The following PALLD variants were observed in gnomAD, a reference collection of about 807,000 sequenced individuals.
PALLD encodes palladin, cytoskeletal associated protein.
A neutral mutation model predicts 123.5 loss-of-function variants in PALLD; 61 were observed. The observed-to-expected ratio is 0.49, with a 90% CI of 0.40 to 0.61. The LOEUF (loss-of-function observed/expected upper bound fraction) is 0.61. Ranked by LOEUF, PALLD falls within the 20% of genes least tolerant of loss-of-function variation. PALLD has a pLI of 0.00. For synonymous variants in PALLD, 465 were observed against 496.4 expected, an observed-to-expected ratio of 0.94 and a Z score of 0.84; for missense variants, 1,273 against 1,377.0, an observed-to-expected ratio of 0.92 and a Z score of 1.20.
chr4:168,568,488 A>T (rs1020123224), intron 2 of PALLD, among the ~76,000 whole-genome samples: 1 of 152,102 alleles, frequency 6.6e-6, no homozygotes, highest in Non-Finnish European at 1.5e-5. Flanking sequence ...ATTGAAAAAA[A>T]TAGGGTATTT....
chr4:168,738,381 G>A (rs1787970732), intron 10 of PALLD, among the ~76,000 whole-genome samples: 2 of 151,972 alleles, frequency 1.3e-5, no homozygotes, highest in South Asian at 4.2e-4. Context: ...AGTCCACAAT[G>A]TTCGATAATT....
At chr4:168,820,228 G>A (rs573369387) in intron 10 of PALLD, among the ~76,000 whole-genome samples, 18 of 152,346 alleles carry the variant, frequency 1.2e-4, no homozygotes, top group African/African-American at 2.6e-4. Context: ...TGCCATGTGC[G>A]CCGTGCCAAA....
intron 2 of PALLD, among the ~76,000 whole-genome samples, chr4:168,542,763 T>TATATATA (rs58803261): frequency 2.7e-5 from 3 of 110,056 alleles, no homozygotes; most frequent in Non-Finnish European, 5.7e-5. Context: ...TATATATATA[T>TATATATA]GGAGAGAAAG....
At chr4:168,759,189 AAAAAAAAAAAAAAATATAT>A (rs1203874998) in intron 10 of PALLD, among the ~76,000 whole-genome samples, 2 of 24,654 alleles carry the variant, frequency 8.1e-5, no homozygotes, top group Admixed American at 4.0e-4. Context: ...CAAAAAAAAA[AAAAAAAAAAAAAAATATAT>A]ATATATATAT....
intron 2 of PALLD, among the ~76,000 whole-genome samples, chr4:168,548,244 T>G (rs564584568): frequency 9.9e-5 from 15 of 152,132 alleles, no homozygotes; most frequent in Admixed American, 4.6e-4. Flanking sequence ...GAGGTAATAT[T>G]TACTGTTAAA....
intron 2 of PALLD, among the ~76,000 whole-genome samples, chr4:168,618,601 G>T (rs1774453850): frequency 6.6e-6 from 1 of 152,134 alleles, no homozygotes; most frequent in Admixed American, 6.5e-5. Flanking sequence ...GCTTTGAAAG[G>T]CCAGTTATAA....
intron 10 of PALLD, among the ~76,000 whole-genome samples, chr4:168,737,448 T>G (rs1480006370): frequency 6.6e-6 from 1 of 151,938 alleles, no homozygotes; most frequent in Non-Finnish European, 1.5e-5. Context: ...TAATGAGGAG[T>G]TTGGAAAGGG....
chr4:168,594,210 G>T (rs1339337991), intron 2 of PALLD, among the ~76,000 whole-genome samples: 1 of 152,162 alleles, frequency 6.6e-6, no homozygotes, highest in Non-Finnish European at 1.5e-5. Flanking sequence ...TAAGGAGATG[G>T]TTAACGATAG....
intron 2 of PALLD, among the ~76,000 whole-genome samples, chr4:168,601,906 C>A: frequency 6.6e-6 from 1 of 152,164 alleles, no homozygotes. Context: ...CTCTTATCTA[C>A]CTTCCCTCTA....
At chr4:168,658,284 G>GTT (rs755942969) in intron 2 of PALLD, among the ~76,000 whole-genome samples, 1,439 of 120,690 alleles carry the variant, frequency 0.012, 82 homozygotes, top group African/African-American at 0.045. Context: ...GTTTTTATTT[G>GTT]GTTTTTTTTT....
intron 2 of PALLD, among the ~76,000 whole-genome samples, chr4:168,578,165 C>A (rs576148949): frequency 6.6e-6 from 1 of 152,076 alleles, no homozygotes; most frequent in Admixed American, 6.6e-5. Context: ...CAGCAATTTC[C>A]CTGGACATAC....
chr4:168,740,619 T>C lies in PALLD; in HGVS notation c.1964+28696T>C, dbSNP rs531138988. 2.0e-5 allele frequency among the ~76,000 whole-genome samples: 3 copies of C among 151,426 alleles called. No individual in the cohort carries two copies. The South Asian group carries it at 6.2e-4, about 31-fold the overall frequency. On this transcript the variant is annotated intron_variant, in intron 10 of 21. Coordinates refer to ENST00000505667, the MANE Select transcript of PALLD (RefSeq NM_001166108.2). ...AAAATTAGAATCAGAGTTGGTGGTA[T>C]GGAAAGTTCTTTTGAAAGATGGAAA...
intron 6 of PALLD, 42 bp downstream of exon 6, chr4:168,685,601 C>T: frequency 7.5e-7 from 1 of 1,330,404 alleles, no homozygotes; most frequent in Non-Finnish European, 1.1e-6. Flanking sequence ...TTGCTTTGGT[C>T]CTTAAATTTC....
At chr4:168,756,754 C>T (rs182150160) in intron 10 of PALLD, among the ~76,000 whole-genome samples, 11 of 152,220 alleles carry the variant, frequency 7.2e-5, no homozygotes, top group African/African-American at 1.9e-4. Context: ...AAATACAAAT[C>T]GCAAAGATGT....
intron 6 of PALLD, 71 bp from the exon 7 acceptor site, chr4:168,690,532 C>T: frequency 6.3e-7 from 1 of 1,579,024 alleles, no homozygotes; most frequent in Non-Finnish European, 8.7e-7. Flanking sequence ...AATTTTTATT[C>T]TGTGTTGTGA....
chr4:168,668,235 A>G lies in PALLD; in HGVS notation c.954A>G (p.Gln318=), dbSNP rs780809542. The G allele has an allele frequency of 4.3e-6, 7 of 1,614,060 alleles. No individual in the cohort carries two copies. Among genetic ancestry groups the G allele is most frequent in the Non-Finnish European group, 5.9e-6 (7 of 1,180,034 alleles). ...AACTGCACAACACTCCTGATATTCA[A>G]ATCCACTGTGAGGGAGGGGACCTCC... The part of the protein sequence containing the change: ...GKELHNTPDI[Q]IHCEGGDLHT... The change falls in exon 3 of 22, where the codon CAA becomes CAG. Residue 318 remains glutamine (Q), a synonymous_variant. Coordinates refer to ENST00000505667, the MANE Select transcript of PALLD (RefSeq NM_001166108.2).
intron 2 of PALLD, among the ~76,000 whole-genome samples, chr4:168,638,151 T>C (rs1055851647): frequency 2.0e-5 from 3 of 152,156 alleles, no homozygotes; most frequent in African/African-American, 7.2e-5. Flanking sequence ...TCACTTACTA[T>C]GTGTCAAGCA....
At chr4:168,675,737 A>G (rs1780766315) in intron 3 of PALLD, among the ~76,000 whole-genome samples, 1 of 152,162 alleles carries the variant, frequency 6.6e-6, no homozygotes, top group African/African-American at 2.4e-5. Context: ...AAAAGCTAAA[A>G]TGTACGGATA....
intron 2 of PALLD, among the ~76,000 whole-genome samples, chr4:168,635,639 A>G (rs1452994338): frequency 6.6e-6 from 1 of 152,208 alleles, no homozygotes; most frequent in Non-Finnish European, 1.5e-5. Context: ...GAGAAGTGCC[A>G]TGGAAAGCAT....
Sources: gnomAD v4.1 joint callset for allele counts (sites outside exome capture counted in the v4.1 genomes callset) on GRCh38, gnomAD v4.1.1 for gene constraint, MANE v1.5 for transcripts, NCBI Gene and HGNC (gene_info 2026-07-23, HGNC 2026-07-21) for gene names.